Variants in SLC17A1 observed in about 807,000 individuals in gnomAD.
The protein encoded by SLC17A1 is sodium-dependent phosphate transport protein 1.
In SLC17A1, 51 loss-of-function variants were observed where a neutral mutation model predicts 53.5. That is an observed-to-expected ratio of 0.95 (90% CI 0.76 to 1.20). The LOEUF (loss-of-function observed/expected upper bound fraction) is 1.20. Among genes scored for constraint, SLC17A1 ranks in the 50% most tolerant of loss-of-function variants. The probability of loss-of-function intolerance (pLI) is 0.00; values close to 1 mark genes in which losing one functional copy is unlikely to be tolerated. For synonymous variants in SLC17A1, 179 were observed against 198.8 expected (o/e 0.90, Z 0.84); for missense variants, 538 against 568.2 (o/e 0.95, Z 0.54).
intron 8 of SLC17A1, among the ~76,000 whole-genome samples, 189 bp downstream of exon 8, chr6:25,812,642 T>C (rs183829762): frequency 4.4e-4 from 67 of 152,300 alleles, no homozygotes; most frequent in Non-Finnish European, 8.5e-4. Context: ...CAGACACTTA[T>C]GTCTACATCA....
intron 2 of SLC17A1, among the ~76,000 whole-genome samples, chr6:25,829,570 T>C (rs1428615432): frequency 6.6e-6 from 1 of 152,110 alleles, no homozygotes; most frequent in African/African-American, 2.4e-5. Context: ...GTCTTAGTCA[T>C]TTAGGGGTAT....
the SLC17A1 span, among the ~76,000 whole-genome samples, chr6:25,729,736 G>A: frequency 7.0e-6 from 1 of 142,528 alleles, no homozygotes; most frequent in African/African-American, 2.6e-5. Context: ...ACTGCTTTCC[G>A]TGCATTTTTT....
downstream of SLC17A1, chr6:25,779,110 G>A (rs774393197): frequency 1.7e-5 from 27 of 1,613,672 alleles, no homozygotes; most frequent in East Asian, 3.3e-4. Context: ...TTAACATATC[G>A]GGCCTGGTTT....
chr6:25,750,576 T>C, the SLC17A1 span, among the ~76,000 whole-genome samples: 4 of 151,428 alleles, frequency 2.6e-5, no homozygotes, highest in Admixed American at 2.0e-4. Context: ...ATAAAAATAA[T>C]GAAGCAAAGG....
At position 25,807,322 on chromosome 6, in the gene SLC17A1, C is replaced by T. The variant is rs137955740; in HGVS notation, c.1178+4076G>A. ...AACTGATGCGTGTATAAAGAAAATG[C>T]GGTATATATACACAATTGAATACCA... is the stretch of plus-strand genomic sequence containing the variant. On this transcript the variant is annotated intron_variant, in intron 10 of 12. Transcript: ENST00000244527. Among the ~76,000 whole-genome samples the T allele has an allele frequency of 1.8e-3, 270 of 152,008 alleles. 1 individual carries two copies. Among genetic ancestry groups the T allele is most frequent in the Admixed American group, 3.4e-3 (52 of 15,258 alleles).
At chr6:25,750,925 A>G in the SLC17A1 span, among the ~76,000 whole-genome samples, 1 of 152,240 alleles carries the variant, frequency 6.6e-6, no homozygotes, top group African/African-American at 2.4e-5. Flanking sequence ...CATGGAGCCA[A>G]GACCTGTGAA....
chr6:25,759,178 G>A, the SLC17A1 span, among the ~76,000 whole-genome samples: 5 of 151,738 alleles, frequency 3.3e-5, no homozygotes, highest in African/African-American at 4.8e-5. Context: ...ATATAATTTC[G>A]ATTTCCTTAA....
chr6:25,768,999 C>A, the SLC17A1 span: 6 of 1,613,874 alleles, frequency 3.7e-6, no homozygotes, highest in Non-Finnish European at 5.1e-6. Flanking sequence ...TTGTTCAGTC[C>A]GACATGGGCT....
chr6:25,826,904 G>T (rs952452931), intron 2 of SLC17A1, among the ~76,000 whole-genome samples: 16 of 152,038 alleles, frequency 1.1e-4, no homozygotes, highest in African/African-American at 3.6e-4. Context: ...TTTTTTAAAA[G>T]ACCCTTTATA....
chr6:25,791,036 T>G (rs993386807), intron 12 of SLC17A1, among the ~76,000 whole-genome samples: 26 of 152,156 alleles, frequency 1.7e-4, no homozygotes, highest in Admixed American at 1.6e-3. Flanking sequence ...TTAAGTTTTG[T>G]AAGAAATGCA....
chr6:25,798,601 C>A, intron 12 of SLC17A1, 182 bp downstream of exon 12: 1 of 440,948 alleles, frequency 2.3e-6, no homozygotes, highest in Non-Finnish European at 3.8e-6. Flanking sequence ...ATATCTCCAG[C>A]CTTAGCATCC....
At chr6:25,801,030 G>A in intron 10 of SLC17A1, 50 bp from the exon 11 acceptor site, 1 of 987,854 alleles carries the variant, frequency 1.0e-6, no homozygotes, top group Admixed American at 1.8e-5. Flanking sequence ...AAATACTGCA[G>A]GAAATGCAAA....
the SLC17A1 span, chr6:25,731,904 C>G: frequency 6.2e-7 from 1 of 1,602,572 alleles, no homozygotes; most frequent in South Asian, 1.1e-5. Flanking sequence ...GATGGTCGAG[C>G]GCTTGTCATA....
chr6:25,779,697 G>A (rs17322552), downstream of SLC17A1: 4,344 of 152,586 alleles, frequency 0.028, 88 homozygotes, highest in Non-Finnish European at 0.045. Flanking sequence ...GAGCAAGATA[G>A]TACACTTTAA....
the SLC17A1 span, among the ~76,000 whole-genome samples, chr6:25,727,780 G>A: frequency 2.6e-5 from 4 of 152,056 alleles, no homozygotes; most frequent in Admixed American, 6.5e-5. Context: ...AGCACTTGCA[G>A]AGGTCGAGGC....
In SLC17A1 at chr6:25,811,647, T is replaced by C. The variant is rs1464766311; in HGVS notation, c.1021A>G (p.Thr341Ala). Residue 341 changes from threonine to alanine, a missense_variant, in exon 9 of 13, where the codon ACA becomes GCA. Transcript: ENST00000244527. Reference protein sequence around the residue: ...LSVIAVRKLFTAAGFLLPAIF... With the variant: ...LSVIAVRKLFAAAGFLLPAIF... ...TCTGGCTGTTGCTTACCTGCTGCTG[T>C]GAAGAGTTTCCGGACAGCAATTACG... The C allele has an allele frequency of 6.2e-7, 1 of 1,613,800 alleles. No homozygotes were observed. The highest frequency in any genetic ancestry group is 8.5e-7 in the Non-Finnish European group (1 of 1,179,888).
At position 25,811,705 on chromosome 6, in the gene SLC17A1, T is replaced by A; in HGVS notation, c.963A>T (p.Leu321Phe). The change falls in exon 9 of 13, where the codon TTA becomes TTT. Residue 321 changes from leucine to phenylalanine, a missense_variant. Coordinates refer to ENST00000244527, the MANE Select transcript of SLC17A1 (RefSeq NM_005074.5). ...TATTCCTGGTCAGGAAGAAGTCTGA[T>A]AACTGACCTGCTAGGTTACCACAGA... ...AWICGNLAGQLSDFFLTRNIL... is the reference protein window; with the variant it reads ...AWICGNLAGQFSDFFLTRNIL... 6.2e-7 allele frequency: 1 copy of A among 1,613,716 alleles called. No individual in the cohort carries two copies. The highest frequency in any genetic ancestry group is 8.5e-7 in the Non-Finnish European group (1 of 1,179,684).
At chr6:25,752,728 G>A in the SLC17A1 span, among the ~76,000 whole-genome samples, 5 of 152,086 alleles carry the variant, frequency 3.3e-5, no homozygotes, top group Admixed American at 1.3e-4. Context: ...TGAGGTGGGC[G>A]GATCACAAGG....
At chr6:25,768,925 C>G in the SLC17A1 span, 2 of 1,464,070 alleles carry the variant, frequency 1.4e-6, no homozygotes, top group Non-Finnish European at 1.9e-6. Flanking sequence ...TTCTTCCAGA[C>G]TTAGGGAGAG....
Sources: allele counts gnomAD v4.1 joint callset (sites outside exome capture counted in the v4.1 genomes callset), GRCh38; gene constraint gnomAD v4.1.1; transcripts MANE v1.5; gene names NCBI Gene and HGNC (gene_info 2026-07-23, HGNC 2026-07-21).